Variants in COL4A3 observed in about 807,000 individuals in gnomAD.
The protein encoded by COL4A3 is collagen type IV alpha 3 chain, also known as collagen alpha-3(IV) chain.
In COL4A3, 135 loss-of-function variants were observed where a neutral mutation model predicts 217.4. The observed-to-expected ratio is 0.62, with a 90% confidence interval of 0.54 to 0.72. The LOEUF (loss-of-function observed/expected upper bound fraction) is 0.72, where lower values mean the gene tolerates loss of function less well. Among genes scored for constraint, COL4A3 ranks in the 30% least tolerant of loss-of-function variants. The pLI, the probability that COL4A3 is intolerant of heterozygous loss-of-function variation, is 0.00. For missense variants in COL4A3, 1,868 were observed against 2,119.9 expected (o/e 0.88, Z 2.33); for synonymous variants, 690 against 736.3 (o/e 0.94, Z 1.02).
intron 1 of COL4A3, among the ~76,000 whole-genome samples, chr2:227,189,563 A>G (rs1179977222): frequency 1.3e-5 from 2 of 152,202 alleles, no homozygotes; most frequent in Non-Finnish European, 2.9e-5. Context: ...TCGTGTTACA[A>G]GTTAGTATCG....
chr2:227,218,080 C>CTATATATATA (rs10606625), intron 1 of COL4A3, among the ~76,000 whole-genome samples: 69 of 118,346 alleles, frequency 5.8e-4, no homozygotes, highest in South Asian at 1.0e-3. Context: ...ATATATATAG[C>CTATATATATA]TATATATATA....
chr2:227,212,079 T>C (rs1037362716), intron 1 of COL4A3, among the ~76,000 whole-genome samples: 1 of 152,200 alleles, frequency 6.6e-6, no homozygotes. Context: ...ACTCATGACA[T>C]TGAGCATGTG....
intron 1 of COL4A3, among the ~76,000 whole-genome samples, chr2:227,202,235 A>C (rs2066714111): frequency 6.6e-6 from 1 of 152,164 alleles, no homozygotes; most frequent in Non-Finnish European, 1.5e-5. Context: ...ATTCACCTGT[A>C]TTCGGAGAGC....
intron 46 of COL4A3, 124 bp downstream of exon 46, chr2:227,304,268 A>C (rs1464120951): frequency 1.6e-6 from 2 of 1,288,814 alleles, no homozygotes; most frequent in Admixed American, 1.9e-5. Flanking sequence ...TGGTTTTCAC[A>C]ATCAGTCTTA....
In COL4A3 at chr2:227,245,971, C is replaced by T. The variant is rs749696026; in HGVS notation, c.342C>T (p.Thr114=). ...SPGLPGTPGN[T]GPYGLVGVPG... is the part of the protein sequence containing the mutation. Reference sequence around the variant, plus strand: ...TCTTCCAGGGCACCCCAGGCAATACCGGGCCTTACGGACTTGTCGGTGTAC... The same window carrying T: ...TCTTCCAGGGCACCCCAGGCAATACTGGGCCTTACGGACTTGTCGGTGTAC... The change falls in exon 6 of 52, where the codon ACC becomes ACT. Residue 114 remains threonine, a synonymous_variant. Transcript: ENST00000396578. 2.5e-5 allele frequency: 41 copies of T among 1,613,740 alleles called. No homozygotes were observed. The highest frequency in any genetic ancestry group is 3.3e-5 in the Admixed American group (2 of 59,980).
At chr2:227,238,516 T>C (rs940493053) in intron 2 of COL4A3, among the ~76,000 whole-genome samples, 9 of 152,172 alleles carry the variant, frequency 5.9e-5, no homozygotes, top group African/African-American at 9.6e-5. Flanking sequence ...AGTAGCTCCA[T>C]TGCAGAATTC....
Position 227,257,700 on chromosome 2 carries a change from G to C in COL4A3, c.1029+56G>C, listed in dbSNP as rs1008299099. 25 of 1,500,406 alleles carry C rather than the reference G, an allele frequency of 1.7e-5. No homozygotes were observed. In the Admixed American group the frequency reaches 4.0e-4, roughly 24 times the overall value. The allele number at this position is 1,500,406 out of a possible 1,614,324, so 92.9% of individuals were successfully genotyped here. ...ATGTTTGATCAAGTTCTTTAAAGTAGCAAGGAAATTTTGAATCAGTGTCTC... is the reference window on the plus strand; with the variant it reads ...ATGTTTGATCAAGTTCTTTAAAGTACCAAGGAAATTTTGAATCAGTGTCTC... On this transcript the variant is annotated intron_variant, in intron 18 of 51. Coordinates refer to ENST00000396578, the MANE Select transcript of COL4A3 (RefSeq NM_000091.5).
At position 227,206,063 on chromosome 2, in the gene COL4A3, A is replaced by T. The variant is rs561025586; in HGVS notation, c.88-31905A>T. 9.6e-3 allele frequency among the ~76,000 whole-genome samples: 1,466 copies of T among 152,122 alleles called. 24 individuals are homozygous for T. Among genetic ancestry groups the T allele is most frequent in the African/African-American group, 0.033 (1,381 of 41,514 alleles). ...GTGTAGCCTGGGCATTAGGGTTTTT[A>T]AGAGTTCCCCCAGGTGATTTTTTTT... On this transcript the variant is annotated intron_variant, in intron 1 of 51. Coordinates refer to ENST00000396578, the MANE Select transcript of COL4A3 (RefSeq NM_000091.5).
chr2:227,293,714 T>G (rs1253230007), intron 38 of COL4A3: 1 of 474,632 alleles, frequency 2.1e-6, no homozygotes, highest in Non-Finnish European at 4.4e-6. Flanking sequence ...ATTAGGTGGC[T>G]TAAACTACAG....
chr2:227,305,149 A>C, intron 47 of COL4A3, 66 bp downstream of exon 47: 2 of 1,390,262 alleles, frequency 1.4e-6, no homozygotes, highest in Non-Finnish European at 2.0e-6. Context: ...GTCTTGTTCG[A>C]GTGGGTGACT....
chr2:227,303,827 T>G, intron 44 of COL4A3, 32 bp from the exon 45 acceptor site: 2 of 1,603,108 alleles, frequency 1.2e-6, no homozygotes, highest in Non-Finnish European at 1.7e-6. Context: ...TTGATCTAAG[T>G]GGAATCACAC....
chr2:227,182,246 G>A (rs2065887479), intron 1 of COL4A3, among the ~76,000 whole-genome samples: 2 of 152,138 alleles, frequency 1.3e-5, no homozygotes, highest in Admixed American at 1.3e-4. Context: ...TAGATTTAAA[G>A]CCTCCAGCCA....
At chr2:227,295,626 G>T (rs1574819248) in intron 41 of COL4A3, among the ~76,000 whole-genome samples, 1 of 152,230 alleles carries the variant, frequency 6.6e-6, no homozygotes, top group East Asian at 1.9e-4. Context: ...CCTAAAAGGT[G>T]AAGGTGGAAC....
intron 15 of COL4A3, among the ~76,000 whole-genome samples, chr2:227,255,534 TA>T (rs1328210516): frequency 6.6e-6 from 1 of 152,202 alleles, no homozygotes; most frequent in Non-Finnish European, 1.5e-5. Context: ...GCAAATACCA[TA>T]AAAGTCAATC....
intron 1 of COL4A3, among the ~76,000 whole-genome samples, chr2:227,168,701 G>T (rs1053908061): frequency 6.6e-6 from 1 of 150,838 alleles, no homozygotes. Context: ...TCCTTTCCTG[G>T]GATTATAGGA....
intron 1 of COL4A3, among the ~76,000 whole-genome samples, chr2:227,167,876 G>A (rs1474739564): frequency 2.0e-5 from 3 of 152,126 alleles, no homozygotes; most frequent in Admixed American, 6.5e-5. Context: ...GTTTATGTAT[G>A]TAATTTCCCT....
Position 227,282,538 on chromosome 2 carries a change from C to T in COL4A3, c.2656+6C>T, listed in dbSNP as rs962798350. On this transcript the variant is annotated splice_donor_region_variant and intron_variant, in intron 32 of 51. Coordinates refer to ENST00000396578, the MANE Select transcript of COL4A3 (RefSeq NM_000091.5). This position sits in a 1 kb window ranked among gnomAD's most constrained non-coding sequence, Gnocchi z 4.4. ...GGGAATTTTAGGGCCACCAGGTATC[C>T]TTTTGTGTGTTTCTATTTTTCTTCT... The T allele has an allele frequency of 1.2e-6, 2 of 1,612,560 alleles. No homozygotes were observed. The highest frequency in any genetic ancestry group is 3.3e-5 in the Admixed American group (2 of 59,952).
At chr2:227,269,884 T>C (rs2071136689) in intron 23 of COL4A3, 26 bp from the exon 24 acceptor site, 6 of 1,605,510 alleles carry the variant, frequency 3.7e-6, no homozygotes, top group Non-Finnish European at 4.3e-6. Context: ...CAATGAGGAG[T>C]TAGTTAATAA....
chr2:227,171,183 T>C (rs935090938), intron 1 of COL4A3, among the ~76,000 whole-genome samples: 6 of 152,224 alleles, frequency 3.9e-5, no homozygotes, highest in African/African-American at 1.4e-4. Flanking sequence ...CACAATCCCC[T>C]TTCTTTTCCC....
Sources: gnomAD v4.1 joint callset for allele counts (sites outside exome capture counted in the v4.1 genomes callset) on GRCh38, gnomAD v4.1.1 for gene constraint, Gnocchi (gnomAD v3.1) non-coding constraint, MANE v1.5 for transcripts, NCBI Gene and HGNC (gene_info 2026-07-23, HGNC 2026-07-21) for gene names.